ENTREP2: variants seen among roughly 807,000 people sequenced by gnomAD.
The protein encoded by ENTREP2 is endosomal transmembrane epsin interactor 2.
the ENTREP2 span, chr15:29,269,211 G>C: frequency 2.8e-3 from 4,480 of 1,614,102 alleles, 15 homozygotes; most frequent in South Asian, 7.4e-3. Flanking sequence ...CCCTCATCTC[G>C]GCATCCTCCT....
At chr15:29,137,212 C>A in the ENTREP2 span, 1 of 1,463,570 alleles carries the variant, frequency 6.8e-7, no homozygotes. Context: ...ACAGAGACAA[C>A]CACAGAGTTA....
chr15:29,643,741 A>G, the ENTREP2 span, among the ~76,000 whole-genome samples: 1 of 151,114 alleles, frequency 6.6e-6, no homozygotes, highest in Admixed American at 6.6e-5. Flanking sequence ...AGATGGGGCC[A>G]CTGCACTCCA....
At chr15:29,644,726 C>T in the ENTREP2 span, among the ~76,000 whole-genome samples, 18 of 150,104 alleles carry the variant, frequency 1.2e-4, no homozygotes, top group East Asian at 2.0e-4. Context: ...TTGCTTGAAC[C>T]GGGGAGGTGG....
the ENTREP2 span, among the ~76,000 whole-genome samples, chr15:29,253,680 A>T: frequency 1.3e-4 from 20 of 152,070 alleles, no homozygotes; most frequent in African/African-American, 3.9e-4. Context: ...TGACCTCATG[A>T]TCTGCCCTCC....
the ENTREP2 span, among the ~76,000 whole-genome samples, chr15:29,350,213 TG>T: frequency 6.6e-6 from 1 of 152,208 alleles, no homozygotes; most frequent in Non-Finnish European, 1.5e-5. Context: ...TATTTCTGTT[TG>T]GGTTTTCTAT....
At chr15:29,438,761 C>T in the ENTREP2 span, among the ~76,000 whole-genome samples, 8 of 152,116 alleles carry the variant, frequency 5.3e-5, no homozygotes, top group South Asian at 4.1e-4. Flanking sequence ...CTTTTGCCTC[C>T]GCAGATCTCA....
the ENTREP2 span, among the ~76,000 whole-genome samples, chr15:29,154,678 C>T: frequency 6.6e-6 from 1 of 152,196 alleles, no homozygotes; most frequent in East Asian, 1.9e-4. Flanking sequence ...ATGCTCTGTG[C>T]GTGTGCTAGG....
At chr15:29,302,834 T>C in the ENTREP2 span, among the ~76,000 whole-genome samples, 7 of 152,210 alleles carry the variant, frequency 4.6e-5, no homozygotes, top group African/African-American at 1.7e-4. Context: ...CTATTGTTTA[T>C]TCTCCAAATC....
the ENTREP2 span, among the ~76,000 whole-genome samples, chr15:29,585,039 T>G: frequency 6.8e-6 from 1 of 148,120 alleles, no homozygotes; most frequent in Non-Finnish European, 1.5e-5. Flanking sequence ...AGATGATGGA[T>G]AGAATGATTT....
chr15:29,614,984 A>G, the ENTREP2 span, among the ~76,000 whole-genome samples: 4 of 152,182 alleles, frequency 2.6e-5, no homozygotes, highest in Non-Finnish European at 4.4e-5. Flanking sequence ...TGGAGAGGGA[A>G]ATCCAGGCTC....
chr15:29,245,461 C>T, the ENTREP2 span, among the ~76,000 whole-genome samples: 7 of 151,800 alleles, frequency 4.6e-5, no homozygotes, highest in South Asian at 1.0e-3. Context: ...GGTTAAAATA[C>T]GTAAATGAAT....
the ENTREP2 span, among the ~76,000 whole-genome samples, chr15:29,139,269 G>A: frequency 1.3e-5 from 2 of 152,254 alleles, no homozygotes; most frequent in South Asian, 2.1e-4. Flanking sequence ...CCTAACACAC[G>A]GAGCACACTC....
At chr15:29,560,282 G>C in the ENTREP2 span, among the ~76,000 whole-genome samples, 1,730 of 152,268 alleles carry the variant, frequency 0.011, 38 homozygotes, top group African/African-American at 0.039. Context: ...TGAGCAACTT[G>C]GTTGGGGATA....
chr15:29,544,374 C>G, the ENTREP2 span, among the ~76,000 whole-genome samples: 1 of 152,144 alleles, frequency 6.6e-6, no homozygotes, highest in Non-Finnish European at 1.5e-5. Context: ...TGAAGGGGTA[C>G]AGAGCTTCAC....
the ENTREP2 span, among the ~76,000 whole-genome samples, chr15:29,667,480 G>A: frequency 2.1e-5 from 3 of 143,826 alleles, no homozygotes; most frequent in Non-Finnish European, 3.0e-5. Context: ...GAGCCACTGC[G>A]CCTGGCCTTT....
At chr15:29,478,005 A>AT in the ENTREP2 span, among the ~76,000 whole-genome samples, 4 of 73,796 alleles carry the variant, frequency 5.4e-5, no homozygotes, top group East Asian at 6.7e-4. Flanking sequence ...ATATATATAT[A>AT]TATATATATA....
the ENTREP2 span, among the ~76,000 whole-genome samples, chr15:29,188,905 G>A: frequency 6.6e-6 from 1 of 152,202 alleles, no homozygotes; most frequent in Non-Finnish European, 1.5e-5. Context: ...GAGAGCTTCT[G>A]CGTCAGCGAA....
At chr15:29,536,113 A>C in the ENTREP2 span, among the ~76,000 whole-genome samples, 1 of 152,128 alleles carries the variant, frequency 6.6e-6, no homozygotes, top group African/African-American at 2.4e-5. Context: ...GTATTAGCTA[A>C]TTCCCCTTGC....
the ENTREP2 span, among the ~76,000 whole-genome samples, chr15:29,314,789 T>C: frequency 6.6e-6 from 1 of 152,186 alleles, no homozygotes; most frequent in East Asian, 1.9e-4. Context: ...CAGTGGCTAA[T>C]GTCTGTAATC....
Sources: gnomAD v4.1 joint callset for allele counts (sites outside exome capture counted in the v4.1 genomes callset) on GRCh38, gnomAD v4.1.1 for gene constraint, MANE v1.5 for transcripts, NCBI Gene and HGNC (gene_info 2026-07-23, HGNC 2026-07-21) for gene names.